RIMBP2: variants seen among roughly 807,000 people sequenced by gnomAD.
The protein encoded by RIMBP2 is RIMS-binding protein 2.
RIMBP2 carries 48 observed loss-of-function variants against 118.6 expected under a neutral mutation model. That is an observed-to-expected ratio of 0.40 (90% CI 0.32 to 0.51). RIMBP2 has a LOEUF of 0.51. Ranked by LOEUF, RIMBP2 falls within the 20% of genes least tolerant of loss-of-function variation. The pLI is 0.41. For missense variants in RIMBP2, 1,551 were observed against 1,768.3 expected, an observed-to-expected ratio of 0.88 and a Z score of 2.20; for synonymous variants, 762 against 742.9, an observed-to-expected ratio of 1.03 and a Z score of -0.42.
In RIMBP2 at chr12:130,428,164, T is replaced by G; in HGVS notation, c.2412+15A>C. ...TGGGGACGGAGTGCAGGGTCCCCCT[T>G]CCCCAGCCACTCACCTTGAGGGCAT... On this transcript the variant is annotated intron_variant, in intron 15 of 22. Transcript: ENST00000690449. The G allele has an allele frequency of 6.3e-7, 1 of 1,578,362 alleles. No homozygotes were observed. Among genetic ancestry groups the G allele is most frequent in the Admixed American group, 1.8e-5 (1 of 56,774 alleles).
In RIMBP2 at chr12:130,588,572, G is replaced by A. The variant is rs149496144; in HGVS notation, c.-217+39750C>T. On this transcript the variant is annotated intron_variant, in intron 2 of 22. Transcript: ENST00000690449. Reference sequence around the variant, plus strand: ...CTGAAGGGAGACACGCTGTTGGAGAGGTAGTGGACGTGTATCAGCACCCAC... The same window carrying A: ...CTGAAGGGAGACACGCTGTTGGAGAAGTAGTGGACGTGTATCAGCACCCAC... 1.3e-3 allele frequency among the ~76,000 whole-genome samples: 194 copies of A among 152,324 alleles called. 1 individual carries two copies. The highest frequency in any genetic ancestry group is 2.1e-3 in the Non-Finnish European group (143 of 68,034).
intron 10 of RIMBP2, among the ~76,000 whole-genome samples, chr12:130,444,160 C>A (rs896199374): frequency 7.9e-5 from 12 of 152,194 alleles, no homozygotes; most frequent in African/African-American, 2.7e-4. Flanking sequence ...ATGTGAAAAT[C>A]AGTGGTGATA....
rs184348874 is a variant in RIMBP2 at position 130,561,579 on chromosome 12, G to A, written c.-216-43662C>T. Among the ~76,000 whole-genome samples the A allele has an allele frequency of 1.1e-4, 17 of 152,132 alleles. No homozygotes were observed. In the East Asian group the frequency reaches 3.3e-3, roughly 29 times the overall value. On this transcript the variant is annotated intron_variant, in intron 2 of 22. Transcript: ENST00000690449. ...GGGACGGGTCCTTCTTGCGTAATCCGGTGTGATTTTTCTGGTGAATCACAT... is the reference window on the plus strand; with the variant it reads ...GGGACGGGTCCTTCTTGCGTAATCCAGTGTGATTTTTCTGGTGAATCACAT...
At chr12:130,691,702 C>A (rs918780353) in intron 1 of RIMBP2, among the ~76,000 whole-genome samples, 7 of 152,156 alleles carry the variant, frequency 4.6e-5, no homozygotes, top group Admixed American at 1.3e-4. Context: ...CCACAGGGAG[C>A]CCCACCCAGC....
At position 130,576,060 on chromosome 12, in the gene RIMBP2, A is replaced by G. The variant is rs2058061613; in HGVS notation, c.-217+52262T>C. ...GAACAACTGCCAGTGTGGAGACATC[A>G]CAGTGGGAACTGTGTACTCTGCAGG... On this transcript the variant is annotated intron_variant, in intron 2 of 22. Coordinates refer to ENST00000690449, the MANE Select transcript of RIMBP2 (RefSeq NM_001393629.1). The surrounding 1 kb of genome is among the most constrained non-coding windows in gnomAD (Gnocchi z 4.2). 1.3e-5 allele frequency among the ~76,000 whole-genome samples: 2 copies of G among 151,986 alleles called. No homozygotes were observed. The highest frequency in any genetic ancestry group is 4.8e-5 in the African/African-American group (2 of 41,360).
intron 1 of RIMBP2, among the ~76,000 whole-genome samples, chr12:130,654,979 T>G (rs2063363508): frequency 6.6e-6 from 1 of 152,230 alleles, no homozygotes; most frequent in Admixed American, 6.5e-5. Flanking sequence ...CAGCCATTCA[T>G]GAGGGACCTG....
At chr12:130,697,694 C>T (rs1395316224) in intron 1 of RIMBP2, among the ~76,000 whole-genome samples, 7 of 152,090 alleles carry the variant, frequency 4.6e-5, no homozygotes, top group Admixed American at 2.0e-4. Flanking sequence ...CAGTGGTGCC[C>T]ACCTGTGGTC....
intron 1 of RIMBP2, among the ~76,000 whole-genome samples, chr12:130,669,470 G>A (rs765466196): frequency 1.6e-4 from 24 of 152,110 alleles, no homozygotes; most frequent in East Asian, 7.7e-4. Context: ...CGGTTTCCCC[G>A]TGCTGTTCTC....
chr12:130,694,964 A>G (rs1255585936), intron 1 of RIMBP2, among the ~76,000 whole-genome samples: 4 of 152,190 alleles, frequency 2.6e-5, no homozygotes, highest in African/African-American at 9.6e-5. Flanking sequence ...TCCAGGCCAG[A>G]CTGAGGATAA....
chr12:130,715,755 T>TCCCCCCCCCCCC (rs11388548), intron 1 of RIMBP2, among the ~76,000 whole-genome samples: 4 of 133,898 alleles, frequency 3.0e-5, no homozygotes, highest in Admixed American at 7.3e-5. Flanking sequence ...CACGTCCCCT[T>TCCCCCCCCCCCC]CCCCCCCTCC....
At chr12:130,588,310 T>G (rs1354469163) in intron 2 of RIMBP2, among the ~76,000 whole-genome samples, 2 of 152,208 alleles carry the variant, frequency 1.3e-5, no homozygotes, top group South Asian at 2.1e-4. Context: ...TCCGGTCTGT[T>G]TAGCTCATTT....
chr12:130,637,752 T>C (rs1347301338), intron 1 of RIMBP2, among the ~76,000 whole-genome samples: 1 of 152,138 alleles, frequency 6.6e-6, no homozygotes, highest in Non-Finnish European at 1.5e-5. Flanking sequence ...ATGTCCTCTT[T>C]CCTATTTGTT....
chr12:130,567,538 A>G (rs1236175291), intron 2 of RIMBP2, among the ~76,000 whole-genome samples: 1 of 151,916 alleles, frequency 6.6e-6, no homozygotes, highest in Non-Finnish European at 1.5e-5. Flanking sequence ...AGAACGGGGG[A>G]GAGGGAGGAG....
chr12:130,638,340 C>T (rs961192990), intron 1 of RIMBP2, among the ~76,000 whole-genome samples: 4 of 152,156 alleles, frequency 2.6e-5, no homozygotes, highest in African/African-American at 9.7e-5. Flanking sequence ...TATAGAGGAG[C>T]CTTCATTGCA....
intron 1 of RIMBP2, chr12:130,667,413 A>G (rs1412561917): frequency 1.3e-5 from 2 of 152,262 alleles, no homozygotes; most frequent in East Asian, 3.8e-4. Context: ...GGATACAGGA[A>G]TCAAAAAGAC....
chr12:130,480,433 C>T (rs1407845208), intron 4 of RIMBP2, among the ~76,000 whole-genome samples: 4 of 152,298 alleles, frequency 2.6e-5, no homozygotes, highest in Non-Finnish European at 1.5e-5. Context: ...CCCTGACATC[C>T]GAGGGCCACA....
intron 2 of RIMBP2, among the ~76,000 whole-genome samples, chr12:130,555,494 T>C (rs2056263253): frequency 6.6e-6 from 1 of 152,158 alleles, no homozygotes; most frequent in Admixed American, 6.6e-5. Context: ...AATGCAAGCC[T>C]GAACACACAG....
chr12:130,702,914 T>C (rs959235116), intron 1 of RIMBP2, among the ~76,000 whole-genome samples: 6 of 151,866 alleles, frequency 4.0e-5, no homozygotes, highest in Non-Finnish European at 7.4e-5. Context: ...AAATCAACCA[T>C]CCCGGGTGCT....
intron 5 of RIMBP2, among the ~76,000 whole-genome samples, chr12:130,478,471 A>T (rs2081636754): frequency 6.6e-6 from 1 of 152,190 alleles, no homozygotes; most frequent in Non-Finnish European, 1.5e-5. Context: ...CCACTGCCAC[A>T]CAGCAGCACT....
Sources: allele counts gnomAD v4.1 joint callset (sites outside exome capture counted in the v4.1 genomes callset), GRCh38; gene constraint gnomAD v4.1.1; non-coding constraint Gnocchi (gnomAD v3.1); transcripts MANE v1.5; gene names NCBI Gene and HGNC (gene_info 2026-07-23, HGNC 2026-07-21).